PTPRC: variants seen among roughly 807,000 people sequenced by gnomAD.
The protein encoded by PTPRC is receptor-type tyrosine-protein phosphatase C.
Under a neutral mutation model 155.9 loss-of-function variants are expected in PTPRC, and 44 were observed. The observed-to-expected ratio is 0.28, with a 90% CI of 0.22 to 0.36. PTPRC has a LOEUF of 0.36. Ranked by LOEUF, PTPRC falls within the 10% of genes least tolerant of loss-of-function variation. The probability of loss-of-function intolerance (pLI) is 1.00; values close to 1 mark genes in which losing one functional copy is unlikely to be tolerated. For missense variants in PTPRC, 1,401 were observed against 1,564.6 expected (o/e 0.90, Z 1.76); for synonymous variants, 525 against 533.1 (o/e 0.98, Z 0.21).
At chr1:198,705,413 A>G (rs1401988279) in intron 8 of PTPRC, among the ~76,000 whole-genome samples, 1 of 143,318 alleles carries the variant, frequency 7.0e-6, no homozygotes, top group African/African-American at 2.6e-5. Context: ...TCTTTCTTTC[A>G]TTCGTTAGTT....
chr1:198,704,827 C>A (rs1652841371), intron 8 of PTPRC, among the ~76,000 whole-genome samples: 1 of 152,056 alleles, frequency 6.6e-6, no homozygotes, highest in African/African-American at 2.4e-5. Context: ...ACCTTTGTAA[C>A]AAACTTGCAC....
chr1:198,690,646 GGCAA>G, intron 2 of PTPRC, among the ~76,000 whole-genome samples: 1 of 152,100 alleles, frequency 6.6e-6, no homozygotes, highest in Middle Eastern at 3.4e-3. Context: ...CTCCTTGGAT[GGCAA>G]CTCTGAAGGA....
chr1:198,727,438 A>G (rs1654190276), intron 15 of PTPRC, among the ~76,000 whole-genome samples: 1 of 151,998 alleles, frequency 6.6e-6, no homozygotes, highest in South Asian at 2.1e-4. Flanking sequence ...AGTTTGGCAG[A>G]TGACCAAAAG....
intron 2 of PTPRC, among the ~76,000 whole-genome samples, chr1:198,663,602 C>T (rs746325683): frequency 5.9e-5 from 9 of 152,094 alleles, no homozygotes; most frequent in Admixed American, 1.3e-4. Flanking sequence ...GACCTAGTGG[C>T]CTTGATATAT....
At position 198,696,788 on chromosome 1, in the gene PTPRC, C is replaced by T. The variant is rs17612648; in HGVS notation, c.177C>T (p.Pro59=). The T allele has an allele frequency of 5.6e-5, 91 of 1,613,844 alleles. No individual in the cohort carries two copies. The highest frequency in any genetic ancestry group is 4.9e-4 in the Middle Eastern group (3 of 6,084). Residue 59 remains proline (P), a synonymous_variant, in exon 4 of 33, where the codon CCC becomes CCT. Transcript: ENST00000442510. ...PLPTHTTAFS[P]ASTFERENDF... ...CTACTCACACCACTGCATTCTCACCCGCAAGCACCTTTGAAAGAGAAAATG... is the reference window on the plus strand; with the variant it reads ...CTACTCACACCACTGCATTCTCACCTGCAAGCACCTTTGAAAGAGAAAATG...
intron 29 of PTPRC, 55 bp from the exon 30 acceptor site, chr1:198,752,194 T>G (rs1558040508): frequency 8.4e-6 from 13 of 1,554,834 alleles, no homozygotes; most frequent in Non-Finnish European, 1.8e-6. Flanking sequence ...GGGAGACTGA[T>G]CCTTTGCATA....
chr1:198,692,885 G>T, intron 3 of PTPRC: 2 of 893,226 alleles, frequency 2.2e-6, no homozygotes, highest in South Asian at 5.2e-5. Context: ...CACTTCAATA[G>T]TCCTTATAAA....
At chr1:198,746,854 C>G (rs908332838) in intron 26 of PTPRC, among the ~76,000 whole-genome samples, 1 of 151,818 alleles carries the variant, frequency 6.6e-6, no homozygotes, top group African/African-American at 2.4e-5. Context: ...GTCCTTCATG[C>G]AGCTCATGGT....
chr1:198,749,480 A>C lies in PTPRC; in HGVS notation c.3003A>C (p.Ser1001=). ...LEMSKESEHD[S]DESSDDDSDS... ...TGAGTAAAGAGAGTGAGCATGATTC[A>C]GATGAATCCTCTGATGATGACAGTG... The change falls in exon 28 of 33, where the codon TCA becomes TCC. Residue 1001 remains serine (S), a synonymous_variant. Coordinates refer to ENST00000442510, the MANE Select transcript of PTPRC (RefSeq NM_002838.5). The C allele has an allele frequency of 6.2e-7, 1 of 1,609,912 alleles. No homozygotes were observed. Among genetic ancestry groups the C allele is most frequent in the South Asian group, 1.1e-5 (1 of 91,008 alleles).
Position 198,712,940 on chromosome 1 carries a change from A to G in PTPRC, c.1172-13A>G. On this transcript the variant is annotated splice_polypyrimidine_tract_variant and intron_variant, in intron 11 of 32. Transcript: ENST00000442510. ...ATTTTTCATATTACATAACATTCTT[A>G]TTCTTTTAACAGGTCCAGGAGAGCC... The G allele has an allele frequency of 6.2e-7, 1 of 1,608,346 alleles. No individual in the cohort carries two copies. Among genetic ancestry groups the G allele is most frequent in the South Asian group, 1.1e-5 (1 of 90,960 alleles).
intron 2 of PTPRC, among the ~76,000 whole-genome samples, chr1:198,649,723 A>G (rs114599105): frequency 0.016 from 2,362 of 151,970 alleles, 39 homozygotes; most frequent in Non-Finnish European, 0.024. Flanking sequence ...CGATTCATCA[A>G]TTGTTTATAG....
At chr1:198,703,205 C>A in intron 6 of PTPRC, 93 bp from the exon 7 acceptor site, 1 of 1,568,024 alleles carries the variant, frequency 6.4e-7, no homozygotes, top group Non-Finnish European at 8.7e-7. Context: ...AGCAAAGATG[C>A]CAATAGGAAA....
chr1:198,731,016 T>C (rs1028976532), intron 17 of PTPRC, among the ~76,000 whole-genome samples: 2 of 152,142 alleles, frequency 1.3e-5, no homozygotes, highest in African/African-American at 4.8e-5. Context: ...AAGTTCCATA[T>C]GCAATTGTAG....
intron 5 of PTPRC, chr1:198,700,063 CAAA>C: frequency 3.0e-6 from 1 of 335,210 alleles, no homozygotes; most frequent in Non-Finnish European, 5.7e-6. Context: ...TACCAACAAA[CAAA>C]AGGGTGAAGA....
In PTPRC at chr1:198,728,247, T is replaced by C. The variant is rs1326396316; in HGVS notation, c.1721-93T>C. 2.2e-5 allele frequency: 20 copies of C among 919,344 alleles called. No homozygotes were observed. The East Asian group carries it at 4.5e-4, about 21-fold the overall frequency. 56.9% of individuals were successfully genotyped at this position (919,344 alleles called of 1,614,324 possible). A position where few individuals can be genotyped will look rare whatever the true frequency, so the allele number is the denominator to read the frequency against. On this transcript the variant is annotated intron_variant, in intron 15 of 32. Coordinates refer to ENST00000442510, the MANE Select transcript of PTPRC (RefSeq NM_002838.5). Reference sequence around the variant, plus strand: ...TAAAACCTCACAATAAATTTAAAAATATTAAAATATAAATACTTTGGAGGT... The same window carrying C: ...TAAAACCTCACAATAAATTTAAAAACATTAAAATATAAATACTTTGGAGGT...
chr1:198,682,436 GTAGT>G (rs765543403), intron 2 of PTPRC, among the ~76,000 whole-genome samples: 69 of 151,830 alleles, frequency 4.5e-4, no homozygotes, highest in Non-Finnish European at 8.1e-4. Context: ...TTATTATATT[GTAGT>G]TAGTTCACAA....
At chr1:198,745,657 T>A (rs1655105557) in intron 26 of PTPRC, among the ~76,000 whole-genome samples, 1 of 151,838 alleles carries the variant, frequency 6.6e-6, no homozygotes, top group Admixed American at 6.6e-5. Context: ...GGTTGTATTG[T>A]TTTCTATGGC....
intron 2 of PTPRC, among the ~76,000 whole-genome samples, chr1:198,655,053 C>A (rs1384689354): frequency 6.6e-6 from 1 of 151,778 alleles, no homozygotes; most frequent in Non-Finnish European, 1.5e-5. Context: ...AATTTGTATA[C>A]AGGATATAAA....
At chr1:198,742,641 A>C (rs775831915) in intron 25 of PTPRC, among the ~76,000 whole-genome samples, 3 of 151,894 alleles carry the variant, frequency 2.0e-5, no homozygotes, top group Non-Finnish European at 4.4e-5. Context: ...CAAAAAAAGT[A>C]AAAATGCTGA....
Sources: gnomAD v4.1 joint callset for allele counts (sites outside exome capture counted in the v4.1 genomes callset) on GRCh38, gnomAD v4.1.1 for gene constraint, MANE v1.5 for transcripts, NCBI Gene and HGNC (gene_info 2026-07-23, HGNC 2026-07-21) for gene names.